The following ZRANB3 variants were observed in gnomAD, a reference collection of about 807,000 sequenced individuals.
ZRANB3 encodes the protein DNA annealing helicase and endonuclease ZRANB3.
Under a neutral mutation model 133.8 loss-of-function variants are expected in ZRANB3, and 125 were observed. The ratio of observed to expected loss-of-function variants is 0.93; its 90% confidence interval spans 0.81 to 1.08. The LOEUF is 1.08. Ranked by LOEUF, ZRANB3 falls within the 50% of genes least tolerant of loss-of-function variation. The pLI is 0.00. For synonymous variants in ZRANB3, 387 were observed against 432.7 expected, an observed-to-expected ratio of 0.89 and a Z score of 1.31; for missense variants, 1,229 against 1,275.5, an observed-to-expected ratio of 0.96 and a Z score of 0.56.
At chr2:135,519,677 C>A (rs1693841532) in intron 1 of ZRANB3, among the ~76,000 whole-genome samples, 2 of 152,162 alleles carry the variant, frequency 1.3e-5, no homozygotes, top group Admixed American at 6.5e-5. Flanking sequence ...CCCTGAATTT[C>A]ATTTTTTCAT....
intron 2 of ZRANB3, among the ~76,000 whole-genome samples, chr2:135,494,375 GAAGGA>G (rs1164112297): frequency 1.3e-5 from 2 of 151,494 alleles, no homozygotes; most frequent in African/African-American, 4.8e-5. Context: ...AGAAAGAAAG[GAAGGA>G]AAGGAGAGGA....
At chr2:135,443,714 C>T (rs1308675386) in intron 2 of ZRANB3, among the ~76,000 whole-genome samples, 5 of 151,810 alleles carry the variant, frequency 3.3e-5, no homozygotes, top group African/African-American at 1.2e-4. Flanking sequence ...AAATACTGAT[C>T]AGTACTTTTC....
chr2:135,384,178 C>A (rs1315729708), intron 3 of ZRANB3, among the ~76,000 whole-genome samples: 1 of 152,160 alleles, frequency 6.6e-6, no homozygotes, highest in African/African-American at 2.4e-5. Context: ...ACCAATTCCA[C>A]AGAAATGCAA....
At chr2:135,528,960 G>A (rs1694276584) in intron 1 of ZRANB3, among the ~76,000 whole-genome samples, 1 of 152,198 alleles carries the variant, frequency 6.6e-6, no homozygotes, top group Non-Finnish European at 1.5e-5. Flanking sequence ...CATACAAAAT[G>A]TGACTAAAGA....
At chr2:135,464,603 T>C (rs1391788739) in intron 2 of ZRANB3, among the ~76,000 whole-genome samples, 1 of 152,210 alleles carries the variant, frequency 6.6e-6, no homozygotes, top group African/African-American at 2.4e-5. Flanking sequence ...GCTGTCCCCC[T>C]GAGATATGAG....
In ZRANB3 at chr2:135,460,514, CCTT is replaced by C. The variant is rs571119715; in HGVS notation, c.161+43812_161+43814del. 5.9e-5 allele frequency among the ~76,000 whole-genome samples: 9 copies of C among 152,194 alleles called. No individual in the cohort carries two copies. In the South Asian group the frequency reaches 1.9e-3, roughly 32 times the overall value. On this transcript the variant is annotated intron_variant, in intron 2 of 20. Coordinates refer to ENST00000264159, the MANE Select transcript of ZRANB3 (RefSeq NM_032143.4). ...ACTCTTGACCTCAGGTGATCTGCCT[CCTT>C]CAGCCTCCTAAAGTGCTGGGATTGC...
chr2:135,410,271 T>C (rs80291496), intron 2 of ZRANB3, among the ~76,000 whole-genome samples: 4 of 152,014 alleles, frequency 2.6e-5, no homozygotes, highest in Non-Finnish European at 5.9e-5. Context: ...CAGCATGATA[T>C]TGGTACAAAA....
chr2:135,337,421 T>A (rs187424748), intron 6 of ZRANB3, among the ~76,000 whole-genome samples: 2 of 152,344 alleles, frequency 1.3e-5, no homozygotes, highest in Admixed American at 1.3e-4. Flanking sequence ...GATATGTATA[T>A]ATAACTGAAG....
chr2:135,494,634 T>C (rs1692582995), intron 2 of ZRANB3, among the ~76,000 whole-genome samples: 2 of 152,196 alleles, frequency 1.3e-5, no homozygotes, highest in Admixed American at 1.3e-4. Context: ...GACCAAACTT[T>C]GGCCAGGAAC....
chr2:135,385,231 C>T (rs1344127853), intron 3 of ZRANB3, among the ~76,000 whole-genome samples: 1 of 152,134 alleles, frequency 6.6e-6, no homozygotes, highest in Non-Finnish European at 1.5e-5. Context: ...TGAGTGAACT[C>T]CCACTCACAA....
chr2:135,526,026 T>C (rs1285362704), intron 1 of ZRANB3, among the ~76,000 whole-genome samples: 1 of 152,138 alleles, frequency 6.6e-6, no homozygotes, highest in Non-Finnish European at 1.5e-5. Flanking sequence ...GAATGGTGGC[T>C]GTGGTGCAAA....
intron 1 of ZRANB3, chr2:135,511,858 A>G: frequency 1.3e-6 from 1 of 765,008 alleles, no homozygotes; most frequent in Non-Finnish European, 2.4e-6. Context: ...TCTATGCAGC[A>G]TGTCTGGGGC....
At chr2:135,311,198 G>T (rs1398818632) in intron 8 of ZRANB3, among the ~76,000 whole-genome samples, 1 of 151,836 alleles carries the variant, frequency 6.6e-6, no homozygotes, top group African/African-American at 2.4e-5. Context: ...ATAGACAAAA[G>T]GCACCAAAAA....
intron 2 of ZRANB3, among the ~76,000 whole-genome samples, chr2:135,503,137 T>C (rs1465631400): frequency 1.3e-5 from 2 of 152,194 alleles, no homozygotes; most frequent in East Asian, 1.9e-4. Flanking sequence ...TATGCATTTG[T>C]CAAGGTTTGT....
At chr2:135,411,909 A>G (rs182664538) in intron 2 of ZRANB3, among the ~76,000 whole-genome samples, 58 of 152,282 alleles carry the variant, frequency 3.8e-4, no homozygotes, top group Middle Eastern at 3.4e-3. Flanking sequence ...CTCTGAATCT[A>G]TAATTTTTTA....
intron 8 of ZRANB3, among the ~76,000 whole-genome samples, chr2:135,290,219 G>A (rs1302464881): frequency 2.6e-5 from 4 of 152,242 alleles, no homozygotes; most frequent in Admixed American, 6.5e-5. Context: ...ATATTGTGTT[G>A]TGGTCTATCT....
chr2:135,272,414 C>CTTTTTT lies in ZRANB3; in HGVS notation c.1087-533_1087-528dup, dbSNP rs112209442. Among the ~76,000 whole-genome samples, 821 of 107,684 alleles carry CTTTTTT rather than the reference C, an allele frequency of 7.6e-3. 111 individuals are homozygous for CTTTTTT. Among genetic ancestry groups the CTTTTTT allele is most frequent in the African/African-American group, 0.033 (739 of 22,074 alleles). 70.6% of individuals were successfully genotyped at this position (107,684 alleles called of 152,430 possible). A position where few individuals can be genotyped will look rare whatever the true frequency, so the allele number is the denominator to read the frequency against. ...CCAAATATTAACTGGGAAAATAGAG[C>CTTTTTT]TTTTTTTTTTTTTTTTTTGTGACGG... is the stretch of plus-strand genomic sequence containing the variant. On this transcript the variant is annotated intron_variant, in intron 9 of 20. Coordinates refer to ENST00000264159, the MANE Select transcript of ZRANB3 (RefSeq NM_032143.4).
intron 2 of ZRANB3, among the ~76,000 whole-genome samples, chr2:135,411,435 G>T (rs1431778857): frequency 1.3e-5 from 2 of 151,974 alleles, no homozygotes; most frequent in Admixed American, 6.6e-5. Flanking sequence ...CATAGCAAAA[G>T]AAATTGTTTT....
At chr2:135,211,217 A>G (rs1045665976) in intron 17 of ZRANB3, among the ~76,000 whole-genome samples, 1 of 152,082 alleles carries the variant, frequency 6.6e-6, no homozygotes, top group African/African-American at 2.4e-5. Flanking sequence ...AACCATCATC[A>G]CTAATTCCAG....
Sources: gnomAD v4.1 joint callset for allele counts (sites outside exome capture counted in the v4.1 genomes callset) on GRCh38, gnomAD v4.1.1 for gene constraint, MANE v1.5 for transcripts, NCBI Gene and HGNC (gene_info 2026-07-23, HGNC 2026-07-21) for gene names.